Variants in CAMTA1 observed in about 807,000 individuals in gnomAD.
CAMTA1 encodes calmodulin-binding transcription activator 1.
CAMTA1 carries 27 observed loss-of-function variants against 170.9 expected under a neutral mutation model. The observed-to-expected ratio is 0.16, with a 90% CI of 0.12 to 0.22. CAMTA1 has a LOEUF of 0.22. Ranked by LOEUF, CAMTA1 falls within the 10% of genes least tolerant of loss-of-function variation. The pLI, the probability that CAMTA1 is intolerant of heterozygous loss-of-function variation, is 1.00. For missense variants in CAMTA1, 1,619 were observed against 2,217.2 expected (o/e 0.73, Z 5.42); for synonymous variants, 833 against 891.5 (o/e 0.93, Z 1.17).
At chr1:7,417,056 A>G (rs6577444) in intron 5 of CAMTA1, among the ~76,000 whole-genome samples, 133,637 of 146,988 alleles carry the variant, frequency 0.91, 60,755 homozygotes, top group East Asian at 0.99. Flanking sequence ...TATCAGCAGC[A>G]GTGGCTGCAG....
chr1:7,613,397 AGGAGAGGCCCAGCCTGGCCTGGGTG>A lies in CAMTA1; in HGVS notation c.511-27001_511-26977del, dbSNP rs2095536743. The stretch of plus-strand genomic sequence containing the variant: ...GGGCATGGACTGGTGCAGAGCACAC[AGGAGAGGCCCAGCCTGGCCTGGGTG>A]GTCCCCCAGGCCGTAAAGCCAGAGC... On this transcript the variant is annotated intron_variant, in intron 6 of 22. Transcript: ENST00000303635. Among the ~76,000 whole-genome samples the A allele has an allele frequency of 2.0e-5, 3 of 152,116 alleles. No homozygotes were observed. The South Asian group carries it at 6.2e-4, about 31-fold the overall frequency.
At chr1:7,283,296 C>A (rs1671779855) in intron 5 of CAMTA1, among the ~76,000 whole-genome samples, 1 of 152,144 alleles carries the variant, frequency 6.6e-6, no homozygotes, top group African/African-American at 2.4e-5. Flanking sequence ...CTTGCATATG[C>A]TTTGTGATCC....
intron 5 of CAMTA1, among the ~76,000 whole-genome samples, chr1:7,323,402 C>G (rs1678754110): frequency 6.6e-6 from 1 of 151,638 alleles, no homozygotes; most frequent in Non-Finnish European, 1.5e-5. Flanking sequence ...TCCGAGTTTA[C>G]CTTCTCAGGA....
chr1:7,006,500 C>T (rs1280556815), intron 3 of CAMTA1, among the ~76,000 whole-genome samples: 3 of 152,062 alleles, frequency 2.0e-5, no homozygotes, highest in Non-Finnish European at 4.4e-5. Context: ...TTCAGAATCA[C>T]CCCAAGGCCT....
chr1:7,238,933 C>T (rs1484095303), intron 4 of CAMTA1, among the ~76,000 whole-genome samples: 1 of 152,226 alleles, frequency 6.6e-6, no homozygotes, highest in African/African-American at 2.4e-5. Context: ...CGAGCATTCA[C>T]GTGGGGTGCC....
intron 6 of CAMTA1, among the ~76,000 whole-genome samples, chr1:7,542,870 TG>T (rs1164170481): frequency 0.024 from 3,690 of 150,848 alleles, 172 homozygotes; most frequent in African/African-American, 0.086. Flanking sequence ...TGTGTGTGTG[TG>T]TGTGTGTGTT....
Position 7,059,809 on chromosome 1 carries a change from T to G in CAMTA1, c.235-31495T>G, listed in dbSNP as rs1177880764. Among the ~76,000 whole-genome samples the G allele has an allele frequency of 2.0e-5, 3 of 152,180 alleles. No individual in the cohort carries two copies. The East Asian group carries it at 5.8e-4, about 29-fold the overall frequency. On this transcript the variant is annotated intron_variant, in intron 3 of 22. Coordinates refer to ENST00000303635, the MANE Select transcript of CAMTA1 (RefSeq NM_015215.4). The stretch of plus-strand genomic sequence containing the variant: ...GAAATGGTGGTATTTATTGAACTTT[T>G]TATTGTGTTGGGCACTTATGCTTAG...
At chr1:6,858,565 T>C (rs1223660639) in intron 3 of CAMTA1, among the ~76,000 whole-genome samples, 1 of 151,946 alleles carries the variant, frequency 6.6e-6, no homozygotes, top group Non-Finnish European at 1.5e-5. Context: ...GGTTATATAT[T>C]AAATAAGTTA....
chr1:6,936,538 C>CGA (rs1685334411), intron 3 of CAMTA1, among the ~76,000 whole-genome samples: 1 of 151,968 alleles, frequency 6.6e-6, no homozygotes, highest in East Asian at 1.9e-4. Context: ...TTTCTCCTGA[C>CGA]CTTCTCTTTG....
At position 6,865,858 on chromosome 1, in the gene CAMTA1, G is replaced by A. The variant is rs149239487; in HGVS notation, c.234+40648G>A. On this transcript the variant is annotated intron_variant, in intron 3 of 22. Coordinates refer to ENST00000303635, the MANE Select transcript of CAMTA1 (RefSeq NM_015215.4). ...ACCTGAACCCAGGTTCAAGGACGGC[G>A]TGATTTTAAAGCCCAGAAAGGACTC... 3.9e-5 allele frequency among the ~76,000 whole-genome samples: 6 copies of A among 152,286 alleles called. No homozygotes were observed. In the East Asian group the frequency reaches 5.8e-4, roughly 15 times the overall value.
intron 5 of CAMTA1, among the ~76,000 whole-genome samples, chr1:7,353,641 C>G (rs2084872612): frequency 6.6e-6 from 1 of 152,158 alleles, no homozygotes; most frequent in Non-Finnish European, 1.5e-5. Flanking sequence ...TCAGGCTGGT[C>G]TTGAACTCCT....
intron 5 of CAMTA1, among the ~76,000 whole-genome samples, chr1:7,390,310 C>T (rs2088550606): frequency 6.6e-6 from 1 of 152,222 alleles, no homozygotes; most frequent in Non-Finnish European, 1.5e-5. Context: ...TCTGACACAG[C>T]TCAGGGACCT....
Position 7,146,724 on chromosome 1 carries a change from C to G in CAMTA1, c.302+55353C>G, listed in dbSNP as rs1646207976. Among the ~76,000 whole-genome samples, 1 of 151,702 alleles carries G rather than the reference C, an allele frequency of 6.6e-6. No homozygotes were observed. The highest frequency in any genetic ancestry group is 1.5e-5 in the Non-Finnish European group (1 of 67,998). Reference sequence around the variant, plus strand: ...GGAGAGAAGGGTTTGGCGTATTGCACACACACAAACACACACTCAAACATA... The same window carrying G: ...GGAGAGAAGGGTTTGGCGTATTGCAGACACACAAACACACACTCAAACATA... On this transcript the variant is annotated intron_variant, in intron 4 of 22. Coordinates refer to ENST00000303635, the MANE Select transcript of CAMTA1 (RefSeq NM_015215.4). The surrounding 1 kb of genome is among the most constrained non-coding windows in gnomAD (Gnocchi z 4.3).
intron 3 of CAMTA1, among the ~76,000 whole-genome samples, chr1:6,987,722 G>A (rs1695592919): frequency 6.6e-6 from 1 of 152,190 alleles, no homozygotes; most frequent in Admixed American, 6.5e-5. Flanking sequence ...GTTGCTATTG[G>A]ATGCAATGTG....
chr1:7,722,224 G>T (rs944231406), intron 11 of CAMTA1, among the ~76,000 whole-genome samples: 1 of 152,206 alleles, frequency 6.6e-6, no homozygotes, highest in African/African-American at 2.4e-5. Flanking sequence ...CTGATTTCAT[G>T]AAATTGTCTC....
At chr1:7,339,521 T>A (rs1028092965) in intron 5 of CAMTA1, among the ~76,000 whole-genome samples, 1 of 152,224 alleles carries the variant, frequency 6.6e-6, no homozygotes, top group African/African-American at 2.4e-5. Flanking sequence ...TTGGCCATTC[T>A]GAGTTTTTTT....
intron 16 of CAMTA1, among the ~76,000 whole-genome samples, chr1:7,739,215 GA>G (rs907075041): frequency 6.9e-6 from 1 of 144,612 alleles, no homozygotes; most frequent in Non-Finnish European, 1.5e-5. Context: ...ACGTAAAAGG[GA>G]AAAAAAACGA....
intron 5 of CAMTA1, among the ~76,000 whole-genome samples, chr1:7,287,204 G>T (rs1672468208): frequency 6.6e-6 from 1 of 152,200 alleles, no homozygotes; most frequent in South Asian, 2.1e-4. Flanking sequence ...AGGCGGGGCA[G>T]TGTGACCTCA....
intron 4 of CAMTA1, among the ~76,000 whole-genome samples, chr1:7,103,589 C>T (rs1354598902): frequency 6.8e-6 from 1 of 147,716 alleles, no homozygotes; most frequent in Non-Finnish European, 1.5e-5. Flanking sequence ...CACATGTACA[C>T]ACAACACACA....
Sources: gnomAD v4.1 joint callset for allele counts (sites outside exome capture counted in the v4.1 genomes callset) on GRCh38, gnomAD v4.1.1 for gene constraint, Gnocchi (gnomAD v3.1) non-coding constraint, MANE v1.5 for transcripts, NCBI Gene and HGNC (gene_info 2026-07-23, HGNC 2026-07-21) for gene names.